MCUB: variants seen among roughly 807,000 people sequenced by gnomAD.
MCUB encodes the protein mitochondrial calcium uniporter dominant negative subunit beta.
Under a neutral mutation model 41.4 loss-of-function variants are expected in MCUB, and 46 were observed. That is an observed-to-expected ratio of 1.11 (90% CI 0.88 to 1.42). The LOEUF is 1.42. Among genes scored for constraint, MCUB ranks in the 40% most tolerant of loss-of-function variants. The pLI is 0.00. For synonymous variants in MCUB, 148 were observed against 148.2 expected (o/e 1.00, Z 0.01); for missense variants, 403 against 404.9 (o/e 1.00, Z 0.04).
At chr4:109,600,965 T>C (rs1727719604) in intron 1 of MCUB, among the ~76,000 whole-genome samples, 1 of 152,060 alleles carries the variant, frequency 6.6e-6, no homozygotes, top group Non-Finnish European at 1.5e-5. Context: ...CAGCTAATTT[T>C]TGTATTTTTA....
chr4:109,563,915 A>G (rs1474204454), intron 1 of MCUB, among the ~76,000 whole-genome samples: 1 of 151,762 alleles, frequency 6.6e-6, no homozygotes, highest in African/African-American at 2.4e-5. Flanking sequence ...AATAAAAGTA[A>G]AGGAAAAAGC....
At chr4:109,630,811 C>T (rs1051626166) in intron 1 of MCUB, among the ~76,000 whole-genome samples, 12 of 152,152 alleles carry the variant, frequency 7.9e-5, no homozygotes, top group South Asian at 6.2e-4. Flanking sequence ...GAACTCCCAA[C>T]ATCAGGTGAC....
intron 1 of MCUB, among the ~76,000 whole-genome samples, chr4:109,562,274 T>C (rs2126122020): frequency 6.6e-6 from 1 of 152,236 alleles, no homozygotes; most frequent in Non-Finnish European, 1.5e-5. Context: ...AGGGAAACAG[T>C]AGTTAGGAAT....
chr4:109,599,251 G>A (rs150105774), intron 1 of MCUB, among the ~76,000 whole-genome samples: 1 of 152,110 alleles, frequency 6.6e-6, no homozygotes, highest in Non-Finnish European at 1.5e-5. Context: ...AACTTGTTTT[G>A]CATAGTTTCC....
At chr4:109,569,471 G>C (rs1190201693) in intron 1 of MCUB, among the ~76,000 whole-genome samples, 1 of 149,120 alleles carries the variant, frequency 6.7e-6, no homozygotes, top group African/African-American at 2.5e-5. Context: ...GGACTGCCTG[G>C]CATATAAGTA....
chr4:109,606,659 ACT>A (rs1282013687), intron 1 of MCUB, among the ~76,000 whole-genome samples: 2 of 149,458 alleles, frequency 1.3e-5, no homozygotes, highest in African/African-American at 4.9e-5. Context: ...ACTAATAAAA[ACT>A]CTATACTTCA....
At chr4:109,572,719 G>A (rs1347611682) in intron 1 of MCUB, among the ~76,000 whole-genome samples, 1 of 151,896 alleles carries the variant, frequency 6.6e-6, no homozygotes, top group Non-Finnish European at 1.5e-5. Flanking sequence ...TTTTTAATTT[G>A]TCAGATTTGG....
chr4:109,585,808 C>T (rs548533100), intron 1 of MCUB, among the ~76,000 whole-genome samples: 14 of 152,268 alleles, frequency 9.2e-5, no homozygotes, highest in African/African-American at 2.6e-4. Context: ...GAGTTTCTGC[C>T]GAGAGATCGG....
Position 109,591,967 on chromosome 4 carries a change from T to C in MCUB, c.99+31531T>C, listed in dbSNP as rs189881939. Among the ~76,000 whole-genome samples the C allele has an allele frequency of 3.5e-3, 531 of 152,264 alleles. 6 individuals are homozygous for C. Among genetic ancestry groups the C allele is most frequent in the East Asian group, 0.013 (69 of 5,168 alleles). ...CACCTGCCTCAGCCACCCTAAGTGCTAGGATTACAGGCGTGAGCCACGACG... is the reference window on the plus strand; with the variant it reads ...CACCTGCCTCAGCCACCCTAAGTGCCAGGATTACAGGCGTGAGCCACGACG... On this transcript the variant is annotated intron_variant, in intron 1 of 7. Coordinates refer to ENST00000394650, the MANE Select transcript of MCUB (RefSeq NM_017918.5).
At chr4:109,681,161 AG>A (rs1232850518) in intron 4 of MCUB, among the ~76,000 whole-genome samples, 2 of 152,212 alleles carry the variant, frequency 1.3e-5, no homozygotes, top group African/African-American at 4.8e-5. Context: ...GACACATGGG[AG>A]GTATCCAAGG....
chr4:109,560,463 G>A (rs1280215642), intron 1 of MCUB, 27 bp downstream of exon 1: 7 of 1,108,790 alleles, frequency 6.3e-6, no homozygotes, highest in South Asian at 3.2e-5. Context: ...GGCTGTGGGG[G>A]TTCGGGGTAG....
At chr4:109,668,095 G>C (rs565833075) in intron 4 of MCUB, among the ~76,000 whole-genome samples, 23 of 152,142 alleles carry the variant, frequency 1.5e-4, no homozygotes, top group African/African-American at 5.1e-4. Flanking sequence ...CTGTGAACTT[G>C]AGAATGTGTA....
At chr4:109,597,762 G>A (rs1197316959) in intron 1 of MCUB, among the ~76,000 whole-genome samples, 26 of 150,900 alleles carry the variant, frequency 1.7e-4, no homozygotes, top group Admixed American at 1.7e-3. Context: ...CCCGGACGGG[G>A]TGGCTGCCGG....
chr4:109,560,609 G>C (rs998689775), intron 1 of MCUB, among the ~76,000 whole-genome samples, 173 bp downstream of exon 1: 1 of 152,212 alleles, frequency 6.6e-6, no homozygotes. Context: ...GGCCGACGTG[G>C]GTCACGGAGG....
intron 1 of MCUB, among the ~76,000 whole-genome samples, chr4:109,633,885 C>G (rs1728530679): frequency 6.8e-6 from 1 of 147,812 alleles, no homozygotes; most frequent in African/African-American, 2.5e-5. Flanking sequence ...CCCCCACCAT[C>G]CCGCCCATGT....
chr4:109,654,241 C>A (rs72886507), intron 1 of MCUB, among the ~76,000 whole-genome samples: 5,610 of 152,186 alleles, frequency 0.037, 367 homozygotes, highest in African/African-American at 0.13. Context: ...TTGCTTCCAA[C>A]TGGATTCCTG....
At chr4:109,616,138 T>C (rs769784518) in intron 1 of MCUB, among the ~76,000 whole-genome samples, 4 of 152,256 alleles carry the variant, frequency 2.6e-5, no homozygotes, top group Non-Finnish European at 4.4e-5. Context: ...CAATACACAT[T>C]TGCAGAGTGA....
At chr4:109,620,438 C>T (rs1434403576) in intron 1 of MCUB, among the ~76,000 whole-genome samples, 6 of 150,226 alleles carry the variant, frequency 4.0e-5, no homozygotes, top group Admixed American at 3.4e-4. Context: ...GTTGCCCCTC[C>T]CTTGACCCTA....
chr4:109,576,518 C>CT (rs34834019), intron 1 of MCUB, among the ~76,000 whole-genome samples: 69,122 of 131,640 alleles, frequency 0.53, 18,657 homozygotes, highest in South Asian at 0.72. Flanking sequence ...TAACATTTGC[C>CT]TTTTTTTTTT....
Sources: gnomAD v4.1 joint callset for allele counts (sites outside exome capture counted in the v4.1 genomes callset) on GRCh38, gnomAD v4.1.1 for gene constraint, MANE v1.5 for transcripts, NCBI Gene and HGNC (gene_info 2026-07-23, HGNC 2026-07-21) for gene names.